Variants in PALS2 observed in about 807,000 individuals in gnomAD.
PALS2 encodes protein associated with LIN7 2, MAGUK p55 family member.
A neutral mutation model predicts 61.6 loss-of-function variants in PALS2; 27 were observed. The observed-to-expected ratio is 0.44, with a 90% CI of 0.32 to 0.60. The LOEUF (loss-of-function observed/expected upper bound fraction) is 0.60, where lower values mean the gene tolerates loss of function less well. Ranked by LOEUF, PALS2 falls within the 20% of genes least tolerant of loss-of-function variation. The pLI is 0.05. For synonymous variants in PALS2, 236 were observed against 218.6 expected, an observed-to-expected ratio of 1.08 and a Z score of -0.70; for missense variants, 554 against 639.4, an observed-to-expected ratio of 0.87 and a Z score of 1.44.
At chr7:24,622,781 G>A (rs890023418) in intron 1 of PALS2, among the ~76,000 whole-genome samples, 4 of 150,688 alleles carry the variant, frequency 2.7e-5, no homozygotes, top group Admixed American at 6.6e-5. Context: ...TCCTTATTAG[G>A]AGTAAAAGCA....
Position 24,652,232 on chromosome 7 carries a change from G to A in PALS2, c.651+1520G>A, listed in dbSNP as rs377351919. 7.2e-5 allele frequency among the ~76,000 whole-genome samples: 11 copies of A among 152,150 alleles called. No individual in the cohort carries two copies. In the South Asian group the frequency reaches 1.9e-3, roughly 26 times the overall value. ...AGGAAGATCTTATTTTCCTTCTGTG[G>A]TCTAAACTCCAGAATTCTTCTAGCT... On this transcript the variant is annotated intron_variant, in intron 5 of 11. Coordinates refer to ENST00000222644, the MANE Select transcript of PALS2 (RefSeq NM_001303037.2).
intron 5 of PALS2, among the ~76,000 whole-genome samples, chr7:24,657,492 T>C (rs1382138161): frequency 6.6e-6 from 1 of 152,228 alleles, no homozygotes; most frequent in Non-Finnish European, 1.5e-5. Context: ...TATGTGTTTA[T>C]TTGCCATACT....
At chr7:24,671,987 T>A (rs1641158178) in intron 9 of PALS2, among the ~76,000 whole-genome samples, 1 of 151,614 alleles carries the variant, frequency 6.6e-6, no homozygotes, top group African/African-American at 2.4e-5. Context: ...ACCCAACTTG[T>A]TCTTTCTTTT....
intron 2 of PALS2, among the ~76,000 whole-genome samples, chr7:24,626,676 G>A (rs1325802263): frequency 2.0e-5 from 3 of 152,046 alleles, no homozygotes; most frequent in Non-Finnish European, 4.4e-5. Context: ...TAAATGGATG[G>A]AGGCAGATTT....
chr7:24,624,515 A>C (rs1784652570), intron 2 of PALS2, among the ~76,000 whole-genome samples: 3 of 150,668 alleles, frequency 2.0e-5, no homozygotes, highest in Non-Finnish European at 4.4e-5. Flanking sequence ...TCTTAGCCAA[A>C]GTCTGTTACT....
At chr7:24,613,588 G>T (rs1784188524) in intron 1 of PALS2, among the ~76,000 whole-genome samples, 1 of 151,730 alleles carries the variant, frequency 6.6e-6, no homozygotes, top group Non-Finnish European at 1.5e-5. Flanking sequence ...TCATTTATTT[G>T]TGTTGGGAGC....
intron 2 of PALS2, among the ~76,000 whole-genome samples, chr7:24,641,293 T>C (rs997037728): frequency 1.4e-4 from 22 of 152,180 alleles, no homozygotes; most frequent in Admixed American, 3.3e-4. Context: ...TATTAACATA[T>C]AATTATTACA....
intron 3 of PALS2, among the ~76,000 whole-genome samples, chr7:24,645,507 T>G (rs577543772): frequency 3.3e-5 from 5 of 152,352 alleles, no homozygotes; most frequent in Non-Finnish European, 7.3e-5. Context: ...TCATGCTGTT[T>G]TGGTTACTGT....
At chr7:24,583,201 T>G (rs1357669200) in intron 1 of PALS2, among the ~76,000 whole-genome samples, 2 of 152,120 alleles carry the variant, frequency 1.3e-5, no homozygotes, top group African/African-American at 4.8e-5. Flanking sequence ...ATCATTCATA[T>G]TTTTATACAA....
At position 24,649,695 on chromosome 7, in the gene PALS2, C is replaced by G. The variant is rs777672848; in HGVS notation, c.354C>G (p.Ile118Met). ...GCCCAGAAATGAATAATTCTTCTATCAATAATCAGTTATTACCAGTAGATG... is the reference window on the plus strand; with the variant it reads ...GCCCAGAAATGAATAATTCTTCTATGAATAATCAGTTATTACCAGTAGATG... Reference protein sequence around the residue: ...PSSPEMNNSSINNQLLPVDAI... With the variant: ...PSSPEMNNSSMNNQLLPVDAI... Residue 118 changes from isoleucine (I) to methionine (M), a missense_variant, in exon 4 of 12, where the codon ATC becomes ATG. Physicochemically the swap from Ile to Met is conservative, Grantham distance 10 (BLOSUM62 1). Coordinates refer to ENST00000222644, the MANE Select transcript of PALS2 (RefSeq NM_001303037.2). 1 of 1,611,776 alleles carries G rather than the reference C, an allele frequency of 6.2e-7. No homozygotes were observed. Among genetic ancestry groups the G allele is most frequent in the South Asian group, 1.1e-5 (1 of 90,646 alleles).
chr7:24,590,122 A>T (rs931319848), intron 1 of PALS2, among the ~76,000 whole-genome samples: 1 of 152,198 alleles, frequency 6.6e-6, no homozygotes, highest in African/African-American at 2.4e-5. Context: ...ACTCTAGTAT[A>T]AAAGAATATT....
intron 5 of PALS2, among the ~76,000 whole-genome samples, chr7:24,655,630 A>ATTTTTTTTTTTTTT (rs770410952): frequency 1.0e-5 from 1 of 96,912 alleles, no homozygotes; most frequent in Non-Finnish European, 1.9e-5. Flanking sequence ...TAGTTAGTAG[A>ATTTTTTTTTTTTTT]TTTTTTTTTT....
chr7:24,573,503 G>T lies in PALS2; in HGVS notation c.-93G>T. On this transcript the variant is annotated 5_prime_UTR_variant, in exon 1 of 12. Coordinates refer to ENST00000222644, the MANE Select transcript of PALS2 (RefSeq NM_001303037.2). This position sits in a 1 kb window ranked among gnomAD's most constrained non-coding sequence, Gnocchi z 5.3. Reference sequence around the variant, plus strand: ...ACGAGTTTGCAGATGGGGCTGCTCGGCGGCGCCTGTGGCTGAGGGAGAGCA... The same window carrying T: ...ACGAGTTTGCAGATGGGGCTGCTCGTCGGCGCCTGTGGCTGAGGGAGAGCA... The T allele has an allele frequency of 2.6e-6, 1 of 387,248 alleles. No individual in the cohort carries two copies. The highest frequency in any genetic ancestry group is 4.6e-6 in the Non-Finnish European group (1 of 219,260). The allele number at this position is 387,248 out of a possible 1,614,324, so 24.0% of individuals were successfully genotyped here. A position where few individuals can be genotyped will look rare whatever the true frequency, so the allele number is the denominator to read the frequency against.
rs1007740449 is a variant in PALS2, at chr7:24,689,680, A to G, written c.*2066A>G. 1 of 151,056 alleles carries G rather than the reference A, an allele frequency of 6.6e-6. No homozygotes were observed. The highest frequency in any genetic ancestry group is 1.5e-5 in the Non-Finnish European group (1 of 67,940). 9.4% of individuals were successfully genotyped at this position (151,056 alleles called of 1,614,324 possible). On this transcript the variant is annotated 3_prime_UTR_variant, in exon 12 of 12. Coordinates refer to ENST00000222644, the MANE Select transcript of PALS2 (RefSeq NM_001303037.2). ...CAGGGAATTGGTGACAAAATGGATT[A>G]TACTATTTTAATAACAGTGGAAACT...
chr7:24,656,091 T>C (rs1384904081), intron 5 of PALS2, among the ~76,000 whole-genome samples: 1 of 152,214 alleles, frequency 6.6e-6, no homozygotes, highest in East Asian at 1.9e-4. Flanking sequence ...CTCTTAGCAA[T>C]GATAATCACT....
intron 11 of PALS2, among the ~76,000 whole-genome samples, chr7:24,686,419 T>G (rs530264847): frequency 3.9e-4 from 59 of 152,300 alleles, no homozygotes; most frequent in African/African-American, 1.4e-3. Flanking sequence ...CTGGTCTTCT[T>G]TCAGTATCTT....
chr7:24,631,879 G>A (rs1785010704), intron 2 of PALS2, among the ~76,000 whole-genome samples: 1 of 152,164 alleles, frequency 6.6e-6, no homozygotes, highest in African/African-American at 2.4e-5. Flanking sequence ...ACATATTGCA[G>A]TTGCACACTT....
At position 24,644,749 on chromosome 7, in the gene PALS2, A is replaced by G. The variant is rs1001395276; in HGVS notation, c.270+2881A>G. On this transcript the variant is annotated intron_variant, in intron 3 of 11. Transcript: ENST00000222644. ...TGCTTTCTACAGTGGTTGAGCTAATATACATTCCCACCAAGAAGGTACGAG... is the reference window on the plus strand; with the variant it reads ...TGCTTTCTACAGTGGTTGAGCTAATGTACATTCCCACCAAGAAGGTACGAG... Among the ~76,000 whole-genome samples the G allele has an allele frequency of 4.6e-5, 7 of 151,956 alleles. No homozygotes were observed. In the East Asian group the frequency reaches 9.7e-4, roughly 21 times the overall value.
chr7:24,616,266 T>A (rs977009201), intron 1 of PALS2, among the ~76,000 whole-genome samples: 2 of 152,140 alleles, frequency 1.3e-5, no homozygotes, highest in Non-Finnish European at 2.9e-5. Context: ...TGTTACTGTT[T>A]ACATATGGCA....
Sources: allele counts gnomAD v4.1 joint callset (sites outside exome capture counted in the v4.1 genomes callset), GRCh38; gene constraint gnomAD v4.1.1; non-coding constraint Gnocchi (gnomAD v3.1); transcripts MANE v1.5; gene names NCBI Gene and HGNC (gene_info 2026-07-23, HGNC 2026-07-21).